Variants in EYA4 observed in about 807,000 individuals in gnomAD.
EYA4 encodes the protein protein phosphatase EYA4.
Under a neutral mutation model 87.9 loss-of-function variants are expected in EYA4, and 31 were observed. The observed-to-expected ratio is 0.35, with a 90% confidence interval of 0.27 to 0.48. EYA4 has a LOEUF of 0.48. Among genes scored for constraint, EYA4 ranks in the 20% least tolerant of loss-of-function variants. The pLI, the probability that EYA4 is intolerant of heterozygous loss-of-function variation, is 0.99. For missense variants in EYA4, 678 were observed against 761.4 expected (o/e 0.89, Z 1.29); for synonymous variants, 263 against 270.6 (o/e 0.97, Z 0.28).
chr6:133,461,335 C>T (rs544077199), intron 7 of EYA4, among the ~76,000 whole-genome samples, 155 bp downstream of exon 7: 1 of 152,008 alleles, frequency 6.6e-6, no homozygotes, highest in Admixed American at 6.6e-5. Context: ...TTGATGATTC[C>T]CTTGAATATT....
intron 2 of EYA4, among the ~76,000 whole-genome samples, chr6:133,346,051 A>G (rs1014042835): frequency 1.3e-5 from 2 of 152,176 alleles, no homozygotes; most frequent in Admixed American, 6.5e-5. Context: ...TTCTCAGTCA[A>G]ATGCCCTCCC....
At chr6:133,413,095 G>A (rs779743491) in intron 3 of EYA4, among the ~76,000 whole-genome samples, 15 of 152,116 alleles carry the variant, frequency 9.9e-5, no homozygotes, top group Non-Finnish European at 2.1e-4. Flanking sequence ...TAAAATACTG[G>A]GGATAACTAT....
chr6:133,386,772 G>A (rs1313176893), intron 3 of EYA4, among the ~76,000 whole-genome samples: 1 of 152,200 alleles, frequency 6.6e-6, no homozygotes, highest in Non-Finnish European at 1.5e-5. Flanking sequence ...AGTGTCACCA[G>A]TAGAATATAG....
intron 2 of EYA4, among the ~76,000 whole-genome samples, chr6:133,286,723 G>A (rs759678686): frequency 6.6e-6 from 1 of 152,162 alleles, no homozygotes; most frequent in Non-Finnish European, 1.5e-5. Context: ...TTCCATCAAA[G>A]TAACCAAAAT....
chr6:133,250,063 C>T (rs1440058288), intron 1 of EYA4, among the ~76,000 whole-genome samples: 1 of 152,168 alleles, frequency 6.6e-6, no homozygotes, highest in African/African-American at 2.4e-5. Flanking sequence ...ACATCCCCTC[C>T]TTGAGACTGG....
chr6:133,409,038 T>C (rs1169847261), intron 3 of EYA4, among the ~76,000 whole-genome samples: 1 of 152,230 alleles, frequency 6.6e-6, no homozygotes, highest in African/African-American at 2.4e-5. Context: ...AGTGACTCAG[T>C]GGTCCATAGG....
At chr6:133,323,293 G>A (rs1371806109) in intron 2 of EYA4, among the ~76,000 whole-genome samples, 3 of 152,084 alleles carry the variant, frequency 2.0e-5, no homozygotes, top group African/African-American at 4.8e-5. Context: ...TTTAATAAGA[G>A]CAAGTAATTA....
intron 1 of EYA4, among the ~76,000 whole-genome samples, chr6:133,271,493 C>A (rs1397385518): frequency 6.6e-6 from 1 of 152,192 alleles, no homozygotes; most frequent in East Asian, 1.9e-4. Context: ...AATAGGCAGA[C>A]CCATATCCAC....
At chr6:133,348,841 A>G (rs1009288052) in intron 2 of EYA4, among the ~76,000 whole-genome samples, 4 of 152,072 alleles carry the variant, frequency 2.6e-5, no homozygotes, top group African/African-American at 9.7e-5. Flanking sequence ...CTTATGGTAT[A>G]TTCTCTGCAC....
intron 13 of EYA4, among the ~76,000 whole-genome samples, chr6:133,503,832 A>G (rs1583484937): frequency 6.6e-6 from 1 of 152,204 alleles, no homozygotes; most frequent in South Asian, 2.1e-4. Context: ...AACAAAATGA[A>G]GAAAAAAGAA....
At chr6:133,429,804 C>A (rs1407116281) in intron 3 of EYA4, among the ~76,000 whole-genome samples, 1 of 152,086 alleles carries the variant, frequency 6.6e-6, no homozygotes, top group Non-Finnish European at 1.5e-5. Flanking sequence ...AAAAAGAAAG[C>A]TGTTTTTATC....
rs71771244 is a variant in EYA4, at chr6:133,294,023, T to TTATATATATATATATATATATA, written c.33+19229_33+19250dup. On this transcript the variant is annotated intron_variant, in intron 2 of 19. Transcript: ENST00000355286. ...AATTCCTGTGCTCCCTAGGGTGATT[T>TTATATATATATATATATATATA]TATATATATATATATATATATATAT... Among the ~76,000 whole-genome samples the TTATATATATATATATATATATA allele has an allele frequency of 8.8e-4, 69 of 78,734 alleles. 2 individuals carry two copies. The highest frequency in any genetic ancestry group is 2.7e-3 in the East Asian group (8 of 3,018). The allele number at this position is 78,734 out of a possible 152,430, so 51.7% of individuals were successfully genotyped here.
rs1045912668 is a variant in EYA4, at chr6:133,299,971, C to G, written c.33+25158C>G. ...TCTATCTATCTATATATATATATAT[C>G]TTTTGACTACCCCACAACCCAACTA... On this transcript the variant is annotated intron_variant, in intron 2 of 19. Coordinates refer to ENST00000355286, the MANE Select transcript of EYA4 (RefSeq NM_004100.5). Among the ~76,000 whole-genome samples, 15 of 138,596 alleles carry G rather than the reference C, an allele frequency of 1.1e-4. 1 individual carries two copies. The highest frequency in any genetic ancestry group is 4.2e-4 in the African/African-American group (15 of 35,522). 90.9% of individuals were successfully genotyped at this position (138,596 alleles called of 152,430 possible). A position where few individuals can be genotyped will look rare whatever the true frequency, so the allele number is the denominator to read the frequency against.
intron 13 of EYA4, among the ~76,000 whole-genome samples, chr6:133,500,871 T>C (rs1311717676): frequency 1.3e-5 from 2 of 152,212 alleles, no homozygotes; most frequent in Non-Finnish European, 2.9e-5. Flanking sequence ...CTCTGCTCTT[T>C]CCAGCTTTGC....
At chr6:133,323,096 T>TGTGTGTG (rs1781222366) in intron 2 of EYA4, among the ~76,000 whole-genome samples, 1 of 105,538 alleles carries the variant, frequency 9.5e-6, no homozygotes, top group Admixed American at 8.9e-5. Flanking sequence ...GTGTGTGTGT[T>TGTGTGTG]TGTGTGTGTG....
chr6:133,456,586 T>C lies in EYA4; in HGVS notation c.308T>C (p.Leu103Ser). The change falls in exon 6 of 20, where the codon TTG (leucine) becomes TCG (serine). Residue 103 changes from leucine to serine, a missense_variant. Physicochemically the swap from Leu to Ser is moderately radical, Grantham distance 145. Coordinates refer to ENST00000355286, the MANE Select transcript of EYA4 (RefSeq NM_004100.5). ...MSLLAVKTEP[L>S]NSSETTATTG... ...CTTCTTGCAGTCAAAACAGAGCCCT[T>C]GAACAGCAGTGAAACCACAGCCACG... is the stretch of plus-strand genomic sequence containing the variant. The C allele has an allele frequency of 6.2e-7, 1 of 1,613,546 alleles. No individual in the cohort carries two copies. Among genetic ancestry groups the C allele is most frequent in the African/African-American group, 1.3e-5 (1 of 75,030 alleles).
At chr6:133,476,307 G>A (rs891233054) in intron 11 of EYA4, among the ~76,000 whole-genome samples, 1 of 151,942 alleles carries the variant, frequency 6.6e-6, no homozygotes, top group African/African-American at 2.4e-5. Flanking sequence ...ACAATACATT[G>A]TTACTACGTA....
intron 13 of EYA4, among the ~76,000 whole-genome samples, chr6:133,491,110 G>T (rs1374914294): frequency 6.6e-6 from 1 of 151,872 alleles, no homozygotes; most frequent in Admixed American, 6.6e-5. Context: ...ATGACCAATG[G>T]GTCAATGAAA....
chr6:133,395,951 C>T (rs969787157), intron 3 of EYA4, among the ~76,000 whole-genome samples: 14 of 152,158 alleles, frequency 9.2e-5, no homozygotes, highest in African/African-American at 2.7e-4. Flanking sequence ...AAAGTCATCA[C>T]GTCCTTACCA....
Sources: gnomAD v4.1 joint callset for allele counts (sites outside exome capture counted in the v4.1 genomes callset) on GRCh38, gnomAD v4.1.1 for gene constraint, MANE v1.5 for transcripts, NCBI Gene and HGNC (gene_info 2026-07-23, HGNC 2026-07-21) for gene names.